Variants in DAAM2 observed in about 807,000 individuals in gnomAD.
DAAM2 encodes the protein dishevelled associated activator of morphogenesis 2.
In DAAM2, 39 loss-of-function variants were observed where a neutral mutation model predicts 120.7. The observed-to-expected ratio is 0.32, with a 90% confidence interval of 0.25 to 0.42. The LOEUF (loss-of-function observed/expected upper bound fraction) is 0.42. Ranked by LOEUF, DAAM2 falls within the 10% of genes least tolerant of loss-of-function variation. DAAM2 has a pLI of 1.00. For missense variants in DAAM2, 1,283 were observed against 1,401.7 expected, an observed-to-expected ratio of 0.92 and a Z score of 1.35; for synonymous variants, 488 against 524.9, an observed-to-expected ratio of 0.93 and a Z score of 0.96.
intron 1 of DAAM2, among the ~76,000 whole-genome samples, chr6:39,800,904 T>TA (rs1178734702): frequency 6.6e-6 from 1 of 152,180 alleles, no homozygotes; most frequent in Admixed American, 6.5e-5. Flanking sequence ...GAACCCTTCC[T>TA]AACAAGCCTG....
chr6:39,848,934 A>C (rs1763701648), intron 1 of DAAM2: 1 of 152,238 alleles, frequency 6.6e-6, no homozygotes, highest in South Asian at 2.1e-4. Flanking sequence ...AACCTCGAAC[A>C]TGGTAGGTGC....
At chr6:39,851,424 TATCTC>T (rs1156730166) in intron 1 of DAAM2, among the ~76,000 whole-genome samples, 1 of 152,222 alleles carries the variant, frequency 6.6e-6, no homozygotes, top group African/African-American at 2.4e-5. Context: ...TGAAGCCAGT[TATCTC>T]AGAGAGTTGT....
intron 1 of DAAM2, among the ~76,000 whole-genome samples, chr6:39,845,437 C>T (rs1382478304): frequency 3.2e-5 from 1 of 30,960 alleles, no homozygotes; most frequent in Non-Finnish European, 8.5e-5. Flanking sequence ...TCACCACACA[C>T]ACCGCACACA....
chr6:39,901,763 C>G lies in DAAM2; in HGVS notation c.2983-50C>G. Reference sequence around the variant, plus strand: ...CCCAGGGTTGGGGGGCTGCCCTGGCCTCAGCGCCTCTCCCTGAGAGGGTTC... The same window carrying G: ...CCCAGGGTTGGGGGGCTGCCCTGGCGTCAGCGCCTCTCCCTGAGAGGGTTC... On this transcript the variant is annotated intron_variant, in intron 24 of 24. Transcript: ENST00000274867. The surrounding 1 kb of genome is among the most constrained non-coding windows in gnomAD (Gnocchi z 4.5). 1 of 1,461,276 alleles carries G rather than the reference C, an allele frequency of 6.8e-7. No homozygotes were observed. The highest frequency in any genetic ancestry group is 9.0e-7 in the Non-Finnish European group (1 of 1,105,922). 90.5% of individuals were successfully genotyped at this position (1,461,276 alleles called of 1,614,324 possible). A position where few individuals can be genotyped will look rare whatever the true frequency, so the allele number is the denominator to read the frequency against.
chr6:39,803,801 A>C (rs1371723092), intron 1 of DAAM2, among the ~76,000 whole-genome samples: 1 of 152,206 alleles, frequency 6.6e-6, no homozygotes, highest in African/African-American at 2.4e-5. Flanking sequence ...AAAGAGGAAC[A>C]GACATAAGCA....
chr6:39,841,860 G>C (rs928631029), intron 1 of DAAM2, among the ~76,000 whole-genome samples: 1 of 152,106 alleles, frequency 6.6e-6, no homozygotes, highest in South Asian at 2.1e-4. Context: ...TCTCGTTTCC[G>C]TCAGAGAAAG....
Position 39,902,066 on chromosome 6 carries a change from G to T in DAAM2, c.*29G>T. ...GGGGAACTAGCCACACAGGAGGCCGGGAGACAGGGACTGGTGAGAATGGGG... is the reference window on the plus strand; with the variant it reads ...GGGGAACTAGCCACACAGGAGGCCGTGAGACAGGGACTGGTGAGAATGGGG... On this transcript the variant is annotated 3_prime_UTR_variant, in exon 25 of 25. Transcript: ENST00000274867. The T allele has an allele frequency of 6.4e-7, 1 of 1,562,408 alleles. No homozygotes were observed. The highest frequency in any genetic ancestry group is 8.7e-7 in the Non-Finnish European group (1 of 1,144,454).
intron 1 of DAAM2, among the ~76,000 whole-genome samples, chr6:39,830,898 C>A (rs1452565123): frequency 6.6e-6 from 1 of 152,192 alleles, no homozygotes; most frequent in East Asian, 1.9e-4. Flanking sequence ...ATTTCAGGCC[C>A]TTCCTCCATC....
chr6:39,900,072 C>G lies in DAAM2; in HGVS notation c.2680-5C>G. 4 of 1,600,146 alleles carry G rather than the reference C, an allele frequency of 2.5e-6. No individual in the cohort carries two copies. The highest frequency in any genetic ancestry group is 3.4e-6 in the Non-Finnish European group (4 of 1,173,492). On this transcript the variant is annotated splice_region_variant and splice_polypyrimidine_tract_variant and intron_variant, in intron 22 of 24. Coordinates refer to ENST00000274867, the MANE Select transcript of DAAM2 (RefSeq NM_001201427.2). ...TCTAAGCAGCACTTCACCCTCCCTC[C>G]TCAGGAGCTGGAGTATCAGAGGCGC...
chr6:39,812,548 T>C (rs1394602881), intron 1 of DAAM2, among the ~76,000 whole-genome samples: 1 of 152,126 alleles, frequency 6.6e-6, no homozygotes, highest in Non-Finnish European at 1.5e-5. Context: ...TTCTGCTTTG[T>C]TATAACTCTC....
chr6:39,900,398 T>A (rs1004001319), intron 23 of DAAM2, among the ~76,000 whole-genome samples, 190 bp downstream of exon 23: 1 of 152,216 alleles, frequency 6.6e-6, no homozygotes, highest in African/African-American at 2.4e-5. Context: ...GGTCCATTTA[T>A]CAGATATCAG....
chr6:39,904,486 A>G lies in DAAM2; in HGVS notation c.*2449A>G, dbSNP rs1276538792. The G allele has an allele frequency of 1.3e-5, 6 of 454,368 alleles. No individual in the cohort carries two copies. Among genetic ancestry groups the G allele is most frequent in the Non-Finnish European group, 2.6e-5 (6 of 226,972 alleles). 28.1% of individuals were successfully genotyped at this position (454,368 alleles called of 1,614,324 possible). A position where few individuals can be genotyped will look rare whatever the true frequency, so the allele number is the denominator to read the frequency against. ...TCCCCACTGCTCCTGCCACCTTTAGATAAGTTTCTCTAGCTAATTTTGTGG... is the reference window on the plus strand; with the variant it reads ...TCCCCACTGCTCCTGCCACCTTTAGGTAAGTTTCTCTAGCTAATTTTGTGG... On this transcript the variant is annotated 3_prime_UTR_variant, in exon 25 of 25. Transcript: ENST00000274867.
In DAAM2 at chr6:39,878,162, G is replaced by T; in HGVS notation, c.1302-41G>T. On this transcript the variant is annotated intron_variant, in intron 11 of 24. Transcript: ENST00000274867. The surrounding 1 kb of genome is among the most constrained non-coding windows in gnomAD (Gnocchi z 5.0). ...GTCTCCTGGGAAGCTGTGAATCAAT[G>T]GTCAACAATCACATTGCCCCTTCCC... 6.2e-7 allele frequency: 1 copy of T among 1,607,140 alleles called. No individual in the cohort carries two copies. The highest frequency in any genetic ancestry group is 1.1e-5 in the South Asian group (1 of 90,358).
Position 39,856,437 on chromosome 6 carries a change from A to G in DAAM2, c.135A>G (p.Ala45=). The G allele has an allele frequency of 6.7e-7, 1 of 1,491,050 alleles. No individual in the cohort carries two copies. The highest frequency in any genetic ancestry group is 8.9e-7 in the Non-Finnish European group (1 of 1,119,076). 92.4% of individuals were successfully genotyped at this position (1,491,050 alleles called of 1,614,324 possible). ...FMEFSSPIPN[A]EELNIRFAEL... is the part of the protein sequence containing the mutation. The stretch of plus-strand genomic sequence containing the variant: ...AGTTCTCCAGCCCCATCCCGAACGC[A>G]GAGGAGCTCAACATCCGCTTTGCAG... The change falls in exon 2 of 25, where the codon GCA becomes GCG. Residue 45 remains alanine, a synonymous_variant. Coordinates refer to ENST00000274867, the MANE Select transcript of DAAM2 (RefSeq NM_001201427.2).
chr6:39,859,571 G>A (rs1276607547), intron 2 of DAAM2, among the ~76,000 whole-genome samples: 1 of 152,178 alleles, frequency 6.6e-6, no homozygotes, highest in African/African-American at 2.4e-5. Flanking sequence ...TGGCTCATCT[G>A]AATTGAGATG....
Position 39,864,485 on chromosome 6 carries a change from A to T in DAAM2, c.311A>T (p.Asp104Val), listed in dbSNP as rs1172224436. 6.2e-7 allele frequency: 1 copy of T among 1,612,348 alleles called. No homozygotes were observed. Among genetic ancestry groups the T allele is most frequent in the South Asian group, 1.1e-5 (1 of 90,778 alleles). The change falls in exon 4 of 25, where the codon GAC becomes GTC. Residue 104 changes from aspartate to valine, a missense_variant. Physicochemically the swap from Asp to Val is radical, Grantham distance 152. Around this residue, in one of 3 missense-constraint regions of DAAM2, gnomAD observed 197 missense variants for 189.3 expected, o/e 1.04. Transcript: ENST00000274867. ...ACCAGCTGGCCTGACTATTACATCG[A>T]CCGCATCAATTCCATGGCTGCGGTG... ...LATSWPDYYI[D>V]RINSMAAMQS...
At chr6:39,794,437 C>T (rs781029769) in intron 1 of DAAM2, among the ~76,000 whole-genome samples, 7 of 152,152 alleles carry the variant, frequency 4.6e-5, no homozygotes, top group Non-Finnish European at 1.0e-4. Context: ...TTTCCTCCAG[C>T]GCCTCGGATG....
intron 1 of DAAM2, among the ~76,000 whole-genome samples, chr6:39,834,094 T>C (rs1763016288): frequency 6.6e-6 from 1 of 152,174 alleles, no homozygotes; most frequent in African/African-American, 2.4e-5. Flanking sequence ...AAATGAGTCT[T>C]GGGGTAATGG....
At chr6:39,874,271 C>A (rs1445405742) in intron 10 of DAAM2, among the ~76,000 whole-genome samples, 1 of 152,164 alleles carries the variant, frequency 6.6e-6, no homozygotes, top group African/African-American at 2.4e-5. Context: ...CATGTTCTGC[C>A]TCTTTGAGCT....
Sources: gnomAD v4.1 joint callset for allele counts (sites outside exome capture counted in the v4.1 genomes callset) on GRCh38, gnomAD v4.1.1 for gene constraint, gnomAD v4.1.1 regional missense constraint, Gnocchi (gnomAD v3.1) non-coding constraint, MANE v1.5 for transcripts, NCBI Gene and HGNC (gene_info 2026-07-23, HGNC 2026-07-21) for gene names.